SYNE3: variants seen among roughly 807,000 people sequenced by gnomAD.
SYNE3 encodes the protein nesprin-3.
A neutral mutation model predicts 111.2 loss-of-function variants in SYNE3; 100 were observed. The ratio of observed to expected loss-of-function variants is 0.90; its 90% CI spans 0.77 to 1.06. The LOEUF (loss-of-function observed/expected upper bound fraction) is 1.06. Among genes scored for constraint, SYNE3 ranks in the 50% least tolerant of loss-of-function variants. The pLI is 0.00. For missense variants in SYNE3, 1,160 were observed against 1,240.3 expected, an observed-to-expected ratio of 0.94 and a Z score of 0.97; for synonymous variants, 547 against 533.9, an observed-to-expected ratio of 1.02 and a Z score of -0.34.
intron 4 of SYNE3, among the ~76,000 whole-genome samples, chr14:95,465,342 G>GTGGATGCA (rs902455029): frequency 5.5e-4 from 8 of 14,586 alleles, no homozygotes; most frequent in African/African-American, 2.6e-3. Flanking sequence ...GTAGATAATG[G>GTGGATGCA]TGAGTGGGTG....
In SYNE3 at chr14:95,466,138, G is replaced by C. The variant is rs532215612; in HGVS notation, c.420C>G (p.Ile140Met). The change falls in exon 4 of 18, where the codon ATC becomes ATG. Residue 140 changes from isoleucine to methionine, a missense_variant. By Grantham distance (10) the Ile-to-Met change is conservative (BLOSUM62 1). Transcript: ENST00000682763. ...TCTCCTTCAGGCCCAGCTGGAGCTC[G>C]ATGTGGGGCTCCAGTGTGACCATCA... ...QKMMVTLEPHIELQLGLKEKQ... is the reference protein window; with the variant it reads ...QKMMVTLEPHMELQLGLKEKQ... The C allele has an allele frequency of 5.0e-6, 8 of 1,612,080 alleles. No homozygotes were observed. Among genetic ancestry groups the C allele is most frequent in the African/African-American group, 4.0e-5 (3 of 74,888 alleles).
chr14:95,476,061 C>A (rs536725384), intron 1 of SYNE3, among the ~76,000 whole-genome samples: 29 of 152,368 alleles, frequency 1.9e-4, no homozygotes, highest in African/African-American at 6.7e-4. Context: ...TCTGGCCTGG[C>A]AAAACTGCTT....
chr14:95,490,934 T>C (rs745528994), intron 1 of SYNE3, among the ~76,000 whole-genome samples: 1 of 152,204 alleles, frequency 6.6e-6, no homozygotes, highest in African/African-American at 2.4e-5. Flanking sequence ...AATGTCCCGC[T>C]CAAGGGCAGA....
intron 4 of SYNE3, among the ~76,000 whole-genome samples, chr14:95,462,234 C>G (rs1268304000): frequency 1.3e-5 from 2 of 152,166 alleles, no homozygotes; most frequent in African/African-American, 4.8e-5. Flanking sequence ...CCCCTCAGTT[C>G]TCCCCATGGC....
At chr14:95,466,434 A>G (rs900839920) in intron 3 of SYNE3, among the ~76,000 whole-genome samples, 194 bp from the exon 4 acceptor site, 1 of 152,122 alleles carries the variant, frequency 6.6e-6, no homozygotes. Context: ...GTCCTACTGG[A>G]TAAGACCCTC....
At chr14:95,467,569 A>G (rs564444147) in intron 3 of SYNE3, among the ~76,000 whole-genome samples, 4 of 152,360 alleles carry the variant, frequency 2.6e-5, no homozygotes, top group African/African-American at 9.6e-5. Flanking sequence ...TAAGTCTCTT[A>G]GGAATTGTTG....
intron 2 of SYNE3, among the ~76,000 whole-genome samples, chr14:95,473,895 A>G (rs1247323710): frequency 7.1e-3 from 362 of 50,724 alleles, no homozygotes; most frequent in Middle Eastern, 0.016. Flanking sequence ...AGTGGCTGGA[A>G]CTAAGGCTGG....
intron 17 of SYNE3, among the ~76,000 whole-genome samples, chr14:95,418,942 T>C (rs2761904): frequency 0.62 from 94,138 of 152,054 alleles, 29,990 homozygotes; most frequent in African/African-American, 0.78. Context: ...CTCTTCTCCC[T>C]CTCTTCCTCC....
intron 1 of SYNE3, among the ~76,000 whole-genome samples, chr14:95,491,854 A>C (rs1017499511): frequency 6.6e-6 from 1 of 152,326 alleles, no homozygotes; most frequent in South Asian, 2.1e-4. Context: ...CAAATCACAT[A>C]TCCGATAAGG....
chr14:95,418,163 A>C (rs1884858760), intron 17 of SYNE3, 137 bp from the exon 18 acceptor site: 498 of 878,902 alleles, frequency 5.7e-4, no homozygotes, highest in Non-Finnish European at 7.3e-4. Flanking sequence ...CCAGGTTCTC[A>C]TCTGTGAAAC....
At chr14:95,511,868 A>T (rs1202612649) in intron 1 of SYNE3, among the ~76,000 whole-genome samples, 1 of 152,208 alleles carries the variant, frequency 6.6e-6, no homozygotes. Context: ...TGGTGTCTGC[A>T]TGAGAGTCAC....
chr14:95,436,715 G>T (rs1886104136), intron 15 of SYNE3, 105 bp downstream of exon 15: 2 of 1,335,332 alleles, frequency 1.5e-6, no homozygotes, highest in Admixed American at 4.1e-5. Context: ...AGGGAGAACA[G>T]CTCACAAACT....
chr14:95,488,700 G>GGAGAGGAGAGGAGAGGAGAGGAGAA (rs2139561949), intron 1 of SYNE3, among the ~76,000 whole-genome samples: 2 of 60,806 alleles, frequency 3.3e-5, no homozygotes, highest in South Asian at 1.3e-3. Context: ...GGGGAAGGGA[G>GGAGAGGAGAGGAGAGGAGAGGAGAA]GAGAGGAGAG....
intron 1 of SYNE3, among the ~76,000 whole-genome samples, chr14:95,499,283 C>T (rs1005446578): frequency 9.9e-5 from 15 of 152,194 alleles, no homozygotes; most frequent in African/African-American, 2.9e-4. Context: ...TCTGAATGAA[C>T]GCCTCCTGTG....
chr14:95,457,970 C>A (rs1400178854), intron 4 of SYNE3, among the ~76,000 whole-genome samples: 3 of 152,192 alleles, frequency 2.0e-5, no homozygotes, highest in Non-Finnish European at 4.4e-5. Context: ...TGCCCCATTT[C>A]CCCATGAATA....
chr14:95,488,913 T>C (rs956622863), intron 1 of SYNE3, among the ~76,000 whole-genome samples: 1 of 152,230 alleles, frequency 6.6e-6, no homozygotes, highest in Non-Finnish European at 1.5e-5. Flanking sequence ...TGGCTTGCAT[T>C]TCTCACTGGT....
rs772108598 is a variant in SYNE3 at position 95,417,815 on chromosome 14, G to A, written c.*11C>T. 6.2e-7 allele frequency: 1 copy of A among 1,614,098 alleles called. No homozygotes were observed. The highest frequency in any genetic ancestry group is 8.5e-7 in the Non-Finnish European group (1 of 1,179,908). ...GGTTGGAGGAGAAAGTCACCTGTGT[G>A]CCCCAGTGGGTTAGGTGGGTGGTGG... On this transcript the variant is annotated 3_prime_UTR_variant, in exon 18 of 18. Coordinates refer to ENST00000682763, the MANE Select transcript of SYNE3 (RefSeq NM_152592.6).
At chr14:95,461,327 T>A (rs375973642) in intron 4 of SYNE3, among the ~76,000 whole-genome samples, 1 of 152,206 alleles carries the variant, frequency 6.6e-6, no homozygotes, top group Non-Finnish European at 1.5e-5. Context: ...GATGCTTCCA[T>A]GTGCCTGCCT....
At chr14:95,514,572 C>T (rs923992372) in intron 1 of SYNE3, among the ~76,000 whole-genome samples, 16 of 152,206 alleles carry the variant, frequency 1.1e-4, no homozygotes, top group African/African-American at 3.6e-4. Context: ...GGGCAAAGCT[C>T]GTTTAGTGCT....
Sources: allele counts gnomAD v4.1 joint callset (sites outside exome capture counted in the v4.1 genomes callset), GRCh38; gene constraint gnomAD v4.1.1; transcripts MANE v1.5; gene names NCBI Gene and HGNC (gene_info 2026-07-23, HGNC 2026-07-21).